VWA8: variants seen among roughly 807,000 people sequenced by gnomAD.
VWA8 encodes von Willebrand factor A domain containing 8, also known as von Willebrand factor A domain-containing protein 8.
In VWA8, 221 loss-of-function variants were observed where a neutral mutation model predicts 241.5. The observed-to-expected ratio is 0.91, with a 90% CI of 0.82 to 1.02. The LOEUF (loss-of-function observed/expected upper bound fraction) is 1.02. Ranked by LOEUF, VWA8 falls within the 50% of genes least tolerant of loss-of-function variation. The pLI, the probability that VWA8 is intolerant of heterozygous loss-of-function variation, is 0.00. For missense variants in VWA8, 2,322 were observed against 2,328.7 expected, an observed-to-expected ratio of 1.00 and a Z score of 0.06; for synonymous variants, 852 against 827.1, an observed-to-expected ratio of 1.03 and a Z score of -0.52.
At chr13:41,878,720 C>T (rs537239174) in intron 9 of VWA8, among the ~76,000 whole-genome samples, 197 of 152,176 alleles carry the variant, frequency 1.3e-3, no homozygotes, top group African/African-American at 4.6e-3. Flanking sequence ...AATATAAACG[C>T]AATCATTTTT....
intron 16 of VWA8, among the ~76,000 whole-genome samples, 194 bp downstream of exon 16, chr13:41,816,504 G>A (rs572041481): frequency 3.9e-5 from 6 of 152,294 alleles, no homozygotes; most frequent in Admixed American, 1.3e-4. Context: ...TAACATCAGC[G>A]AGGAGGAGCT....
chr13:41,895,072 G>T (rs572629670), intron 4 of VWA8, among the ~76,000 whole-genome samples: 1 of 152,018 alleles, frequency 6.6e-6, no homozygotes, highest in Non-Finnish European at 1.5e-5. Flanking sequence ...ACAGAAAAGA[G>T]AACGTATAAT....
At chr13:41,628,652 A>G (rs1235622463) in intron 37 of VWA8, among the ~76,000 whole-genome samples, 1 of 152,192 alleles carries the variant, frequency 6.6e-6, no homozygotes, top group Non-Finnish European at 1.5e-5. Context: ...GCTAGAGGCC[A>G]TTATCCTAAG....
intron 21 of VWA8, among the ~76,000 whole-genome samples, chr13:41,748,420 C>T (rs147174569): frequency 0.84 from 128,087 of 152,068 alleles, 54,982 homozygotes; most frequent in East Asian, 1. Flanking sequence ...TGGTAGTTTG[C>T]ATTTCTGTGG....
intron 43 of VWA8, among the ~76,000 whole-genome samples, chr13:41,573,619 G>GGT (rs149927326): frequency 0.01 from 1,032 of 99,250 alleles, 6 homozygotes; most frequent in African/African-American, 0.016. Flanking sequence ...GCATATATAT[G>GGT]GTGTGTGTGT....
chr13:41,644,615 CCCA>C (rs1461883367), intron 37 of VWA8, among the ~76,000 whole-genome samples: 5 of 152,190 alleles, frequency 3.3e-5, no homozygotes, highest in Admixed American at 6.5e-5. Flanking sequence ...GTTAGTGTGC[CCCA>C]CGAGGCGGGG....
At chr13:41,816,594 T>C in intron 16 of VWA8, 104 bp downstream of exon 16, 1 of 1,162,892 alleles carries the variant, frequency 8.6e-7, no homozygotes, top group Non-Finnish European at 1.2e-6. Context: ...TTCCAAAAAA[T>C]AAAATACCAG....
intron 26 of VWA8, among the ~76,000 whole-genome samples, chr13:41,712,295 G>A (rs1029537135): frequency 6.6e-6 from 1 of 152,026 alleles, no homozygotes; most frequent in Non-Finnish European, 1.5e-5. Context: ...CAAGGACATG[G>A]ATACCCCAAA....
intron 5 of VWA8, among the ~76,000 whole-genome samples, chr13:41,888,155 A>T (rs1874638399): frequency 6.6e-6 from 1 of 152,232 alleles, no homozygotes; most frequent in Admixed American, 6.5e-5. Flanking sequence ...GTGTAAATGT[A>T]TGTGCAAACA....
At chr13:41,824,838 G>GAA (rs149597138) in intron 14 of VWA8, among the ~76,000 whole-genome samples, 6 of 109,996 alleles carry the variant, frequency 5.5e-5, no homozygotes, top group African/African-American at 1.1e-4. Flanking sequence ...AACAGAAAAA[G>GAA]AAAAAAAAAA....
chr13:41,573,610 C>CACATATATATATATATATATAT (rs1555303639), intron 43 of VWA8, among the ~76,000 whole-genome samples: 35 of 140,186 alleles, frequency 2.5e-4, no homozygotes, highest in African/African-American at 9.5e-4. Context: ...TATATATACG[C>CACATATATATATATATATATAT]ATATATATGG....
rs151283627 is a variant in VWA8 at position 41,644,778 on chromosome 13, G to T, written c.4611+26168C>A. ...GTATATATAGCTTACACTGATTTCA[G>T]TGTTTACTATAAGGAGTGTTTTGGG... On this transcript the variant is annotated intron_variant, in intron 37 of 44. Transcript: ENST00000379310. 9.1e-4 allele frequency among the ~76,000 whole-genome samples: 138 copies of T among 152,336 alleles called. 1 individual carries two copies. Among genetic ancestry groups the T allele is most frequent in the African/African-American group, 3.1e-3 (130 of 41,578 alleles).
chr13:41,950,671 T>C (rs914557252), intron 1 of VWA8, among the ~76,000 whole-genome samples: 19 of 144,512 alleles, frequency 1.3e-4, no homozygotes, highest in Non-Finnish European at 2.6e-4. Flanking sequence ...CTCAGCCTTT[T>C]TTTTTTTTTT....
intron 37 of VWA8, among the ~76,000 whole-genome samples, chr13:41,619,660 T>C (rs974084018): frequency 6.6e-6 from 1 of 152,218 alleles, no homozygotes; most frequent in African/African-American, 2.4e-5. Context: ...ATCTAGTTTA[T>C]TGAGAGTTTT....
chr13:41,926,352 A>G lies in VWA8; in HGVS notation c.242-14184T>C, dbSNP rs143331033. The G allele has an allele frequency of 5.6e-4, 324 of 575,196 alleles. 3 individuals are homozygous for G. The highest frequency in any genetic ancestry group is 5.3e-3 in the African/African-American group (285 of 53,390). 35.6% of individuals were successfully genotyped at this position (575,196 alleles called of 1,614,324 possible). A position where few individuals can be genotyped will look rare whatever the true frequency, so the allele number is the denominator to read the frequency against. On this transcript the variant is annotated intron_variant, in intron 2 of 44. Coordinates refer to ENST00000379310, the MANE Select transcript of VWA8 (RefSeq NM_015058.2). ...CATCTGCTCTAAGATCATCACATGT[A>G]TAAGAAGTTTCTTGGATGAACTGGG...
At chr13:41,576,924 T>A (rs1342503865) in intron 42 of VWA8, among the ~76,000 whole-genome samples, 4 of 152,196 alleles carry the variant, frequency 2.6e-5, no homozygotes, top group Non-Finnish European at 5.9e-5. Context: ...CTCAAATGCA[T>A]GTGTGTGGAC....
chr13:41,723,904 A>C (rs1330257546), intron 24 of VWA8, among the ~76,000 whole-genome samples: 1 of 152,198 alleles, frequency 6.6e-6, no homozygotes, highest in Non-Finnish European at 1.5e-5. Context: ...TATTAAAGGA[A>C]TGAGTATAGA....
intron 35 of VWA8, among the ~76,000 whole-genome samples, chr13:41,676,208 T>C (rs2045059191): frequency 1.3e-5 from 2 of 152,156 alleles, no homozygotes. Flanking sequence ...GTGGACTTAA[T>C]TTTAGGTGTC....
chr13:41,731,900 G>A (rs1421776960), intron 22 of VWA8, among the ~76,000 whole-genome samples, 180 bp downstream of exon 22: 2 of 152,142 alleles, frequency 1.3e-5, no homozygotes, highest in African/African-American at 2.4e-5. Context: ...CCAGAGCCAC[G>A]TAGAACTGTG....
Sources: gnomAD v4.1 joint callset for allele counts (sites outside exome capture counted in the v4.1 genomes callset) on GRCh38, gnomAD v4.1.1 for gene constraint, MANE v1.5 for transcripts, NCBI Gene and HGNC (gene_info 2026-07-23, HGNC 2026-07-21) for gene names.